Variants in MYH10 observed in about 807,000 individuals in gnomAD.
The protein encoded by MYH10 is myosin heavy chain 10, also known as myosin-10.
Under a neutral mutation model 257.8 loss-of-function variants are expected in MYH10, and 55 were observed. That is an observed-to-expected ratio of 0.21 (90% CI 0.17 to 0.27). The LOEUF (loss-of-function observed/expected upper bound fraction) is 0.27. MYH10 is among the 10% of genes least tolerant of loss of function. MYH10 has a pLI of 1.00. For missense variants in MYH10, 1,631 were observed against 2,500.6 expected, an observed-to-expected ratio of 0.65 and a Z score of 7.42; for synonymous variants, 854 against 921.7, an observed-to-expected ratio of 0.93 and a Z score of 1.33.
chr17:8,571,184 T>TG (rs1407286250), intron 6 of MYH10, among the ~76,000 whole-genome samples: 6 of 150,362 alleles, frequency 4.0e-5, no homozygotes, highest in African/African-American at 1.2e-4. Flanking sequence ...TTTTTGTTTT[T>TG]TTTTTTTTGA....
intron 2 of MYH10, among the ~76,000 whole-genome samples, chr17:8,617,698 TACAA>T (rs1567988018): frequency 6.6e-6 from 1 of 152,106 alleles, no homozygotes; most frequent in East Asian, 1.9e-4. Flanking sequence ...ATCATAATAT[TACAA>T]ACAGAGAAAA....
At chr17:8,608,810 A>ATTTTTTTTTTTTTTTTTT (rs531809094) in intron 2 of MYH10, among the ~76,000 whole-genome samples, 23 of 140,802 alleles carry the variant, frequency 1.6e-4, no homozygotes, top group African/African-American at 5.3e-4. Context: ...TGATTGGGAA[A>ATTTTTTTTTTTTTTTTTT]TTTTTTTTTT....
intron 37 of MYH10, among the ~76,000 whole-genome samples, chr17:8,482,868 G>A (rs1286437511): frequency 6.6e-6 from 1 of 152,200 alleles, no homozygotes; most frequent in Non-Finnish European, 1.5e-5. Context: ...ATCGCCTTTG[G>A]GGAAATGAGC....
intron 36 of MYH10, among the ~76,000 whole-genome samples, chr17:8,485,570 G>A (rs916991681): frequency 4.1e-5 from 6 of 146,346 alleles, no homozygotes; most frequent in African/African-American, 1.3e-4. Flanking sequence ...ATAATTAAAA[G>A]AGAGCTCAGC....
chr17:8,527,455 C>A (rs959797454), intron 17 of MYH10, among the ~76,000 whole-genome samples: 4 of 152,260 alleles, frequency 2.6e-5, no homozygotes, highest in Non-Finnish European at 5.9e-5. Flanking sequence ...GTGCTCTGCG[C>A]TCGCTTTCTC....
At chr17:8,550,483 TC>T (rs1340882220) in intron 9 of MYH10, among the ~76,000 whole-genome samples, 2 of 150,276 alleles carry the variant, frequency 1.3e-5, no homozygotes, top group Non-Finnish European at 3.0e-5. Context: ...GAGGAGCCTC[TC>T]CGCCCGGCAG....
intron 17 of MYH10, among the ~76,000 whole-genome samples, chr17:8,524,614 AGTT>A (rs1348308679): frequency 6.6e-6 from 1 of 151,972 alleles, no homozygotes; most frequent in Non-Finnish European, 1.5e-5. Flanking sequence ...TCAAGCCAAA[AGTT>A]AAGATGTCAT....
In MYH10 at chr17:8,477,697, G is replaced by T. The variant is rs974347916; in HGVS notation, c.5706+641C>A. Among the ~76,000 whole-genome samples the T allele has an allele frequency of 6.6e-6, 1 of 152,180 alleles. No homozygotes were observed. The highest frequency in any genetic ancestry group is 1.5e-5 in the Non-Finnish European group (1 of 68,026). On this transcript the variant is annotated intron_variant, in intron 41 of 42. Transcript: ENST00000360416. This position sits in a 1 kb window ranked among gnomAD's most constrained non-coding sequence, Gnocchi z 4.2. ...TGACTGAATGAATGAAGTTGGGGAG[G>T]GTTCGGGCCAAAGGCAGTGAAATCC... is the stretch of plus-strand genomic sequence containing the variant.
intron 3 of MYH10, among the ~76,000 whole-genome samples, chr17:8,595,338 A>G (rs1041965068): frequency 2.0e-5 from 3 of 151,084 alleles, no homozygotes; most frequent in Admixed American, 6.6e-5. Flanking sequence ...AATCCCTTCA[A>G]TCTGTGTGCC....
At chr17:8,550,498 C>T (rs1012352825) in intron 9 of MYH10, among the ~76,000 whole-genome samples, 4 of 152,060 alleles carry the variant, frequency 2.6e-5, no homozygotes, top group African/African-American at 9.6e-5. Flanking sequence ...CCGGCAGCCA[C>T]CCCGTCCGGG....
At position 8,518,898 on chromosome 17, in the gene MYH10, G is replaced by C. The variant is rs779311361; in HGVS notation, c.2326C>G (p.Gln776Glu). 6.2e-7 allele frequency: 1 copy of C among 1,610,610 alleles called. No homozygotes were observed. The highest frequency in any genetic ancestry group is 2.2e-5 in the East Asian group (1 of 44,846). ...AIPKGFMDGK[Q>E]ACERMIRALE... ...AACCTTACCATTCGTTCACAGGCCT[G>C]TTTACCATCCATAAAACCTTTAGGA... The change falls in exon 20 of 43, where the codon CAG becomes GAG. Residue 776 changes from glutamine to glutamate, a missense_variant. Transcript: ENST00000360416.
intron 2 of MYH10, among the ~76,000 whole-genome samples, chr17:8,622,191 C>T (rs2085492682): frequency 6.6e-6 from 1 of 152,178 alleles, no homozygotes; most frequent in Non-Finnish European, 1.5e-5. Flanking sequence ...AAATCATTGC[C>T]ACCTCTGTCT....
intron 40 of MYH10, 24 bp downstream of exon 40, chr17:8,480,086 T>C: frequency 1.2e-6 from 2 of 1,612,190 alleles, no homozygotes; most frequent in Non-Finnish European, 1.7e-6. Flanking sequence ...TAAGTTTTGG[T>C]TTACGGTAGC....
Position 8,552,194 on chromosome 17 carries a change from A to ATT in MYH10, c.821-51_821-50insAA, listed in dbSNP as rs2082663439. 1.1e-6 allele frequency: 1 copy of ATT among 909,808 alleles called. No homozygotes were observed. The highest frequency in any genetic ancestry group is 2.7e-5 in the South Asian group (1 of 37,410). 56.4% of individuals were successfully genotyped at this position (909,808 alleles called of 1,614,324 possible). ...AATTATTTAATATAATTCTTAAATA[A>ATT]ATAAAGGCCCTCTTTCAGCGTCTGT... On this transcript the variant is annotated intron_variant, in intron 8 of 42. Coordinates refer to ENST00000360416, the MANE Select transcript of MYH10 (RefSeq NM_001256012.3). The surrounding 1 kb of genome is among the most constrained non-coding windows in gnomAD (Gnocchi z 4.8).
intron 2 of MYH10, among the ~76,000 whole-genome samples, chr17:8,609,063 G>T (rs2084925890): frequency 6.6e-6 from 1 of 152,126 alleles, no homozygotes; most frequent in African/African-American, 2.4e-5. Flanking sequence ...TGCCCGCCTT[G>T]GCCTCCCAAA....
chr17:8,567,566 G>A (rs545409033), intron 7 of MYH10, among the ~76,000 whole-genome samples: 1 of 152,254 alleles, frequency 6.6e-6, no homozygotes, highest in African/African-American at 2.4e-5. Flanking sequence ...CTTTAAAGAA[G>A]TCATTACATT....
intron 3 of MYH10, among the ~76,000 whole-genome samples, chr17:8,602,221 G>A (rs981089615): frequency 7.9e-5 from 12 of 152,130 alleles, no homozygotes; most frequent in African/African-American, 2.9e-4. Context: ...CTCGTGATCC[G>A]CTGGCCTCAG....
rs372364787 is a variant in MYH10 at position 8,548,814 on chromosome 17, T to C, written c.920-27A>G. 8 of 1,583,268 alleles carry C rather than the reference T, an allele frequency of 5.1e-6. No individual in the cohort carries two copies. In the African/African-American group the frequency reaches 9.5e-5, roughly 19 times the overall value. On this transcript the variant is annotated intron_variant, in intron 9 of 42. Transcript: ENST00000360416. ...TAAAAGGAAATATAATGGAAGAAAATTTGATAAATACTCATGAAGACAACT... is the reference window on the plus strand; with the variant it reads ...TAAAAGGAAATATAATGGAAGAAAACTTGATAAATACTCATGAAGACAACT...
chr17:8,539,561 T>C (rs1414682372), intron 14 of MYH10, among the ~76,000 whole-genome samples: 1 of 152,204 alleles, frequency 6.6e-6, no homozygotes, highest in East Asian at 1.9e-4. Flanking sequence ...CCAATCTGCA[T>C]TTCCAGGCCA....
Sources: allele counts gnomAD v4.1 joint callset (sites outside exome capture counted in the v4.1 genomes callset), GRCh38; gene constraint gnomAD v4.1.1; non-coding constraint Gnocchi (gnomAD v3.1); transcripts MANE v1.5; gene names NCBI Gene and HGNC (gene_info 2026-07-23, HGNC 2026-07-21).